Variants in XRCC4 observed in about 807,000 individuals in gnomAD.
XRCC4 encodes the protein DNA repair protein XRCC4.
A neutral mutation model predicts 39.1 loss-of-function variants in XRCC4; 28 were observed. That is an observed-to-expected ratio of 0.72 (90% CI 0.53 to 0.98). XRCC4 has a LOEUF of 0.98. XRCC4 is among the 50% of genes least tolerant of loss of function. The pLI, the probability that XRCC4 is intolerant of heterozygous loss-of-function variation, is 0.00. For synonymous variants in XRCC4, 123 were observed against 126.4 expected (o/e 0.97, Z 0.18); for missense variants, 350 against 376.4 (o/e 0.93, Z 0.58).
At chr5:83,357,088 T>C (rs1474814720), downstream of XRCC4, among the ~76,000 whole-genome samples, 2 of 152,236 alleles carry the variant, frequency 1.3e-5, no homozygotes, top group Non-Finnish European at 2.9e-5. Flanking sequence ...GCAAGTTTGA[T>C]TCAACAAATG....
intron 7 of XRCC4, among the ~76,000 whole-genome samples, chr5:83,286,313 A>G (rs964184828): frequency 1.1e-4 from 16 of 152,102 alleles, no homozygotes; most frequent in African/African-American, 3.9e-4. Context: ...GCATCCAACA[A>G]GTAGTTTTTG....
chr5:83,325,175 T>C (rs375110321), intron 7 of XRCC4, among the ~76,000 whole-genome samples: 5 of 152,260 alleles, frequency 3.3e-5, no homozygotes, highest in Admixed American at 2.0e-4. Context: ...GCATGCTGTT[T>C]TTTAGAGTCC....
intron 7 of XRCC4, among the ~76,000 whole-genome samples, chr5:83,302,328 T>A (rs1057403079): frequency 2.0e-5 from 3 of 151,590 alleles, no homozygotes; most frequent in African/African-American, 7.3e-5. Flanking sequence ...CCCAGGGCCA[T>A]GGTGGTGTAG....
chr5:83,141,771 C>T (rs908086101), intron 3 of XRCC4, among the ~76,000 whole-genome samples: 2 of 150,530 alleles, frequency 1.3e-5, no homozygotes, highest in Admixed American at 1.3e-4. Flanking sequence ...CATTGTGCTT[C>T]TTTGGTGTTG....
intron 7 of XRCC4, among the ~76,000 whole-genome samples, chr5:83,331,736 G>T (rs903261261): frequency 1.3e-5 from 2 of 152,090 alleles, no homozygotes; most frequent in African/African-American, 4.8e-5. Context: ...TCTTTGAAAT[G>T]GAGGTGATAG....
chr5:83,205,610 T>C (rs183772483), intron 6 of XRCC4, among the ~76,000 whole-genome samples: 11 of 152,294 alleles, frequency 7.2e-5, no homozygotes, highest in Admixed American at 7.2e-4. Context: ...GCTTGATTTA[T>C]TTATTTAGAA....
Position 83,292,713 on chromosome 5 carries a change from A to G in XRCC4, c.893+34036A>G, listed in dbSNP as rs185927454. On this transcript the variant is annotated intron_variant, in intron 7 of 7. Coordinates refer to ENST00000396027, the MANE Select transcript of XRCC4 (RefSeq NM_003401.5). ...TAATATCCCAGTAGACTGAATACACAAGAAACTCTTTTTCTTTTTCTTTTT... is the reference window on the plus strand; with the variant it reads ...TAATATCCCAGTAGACTGAATACACGAGAAACTCTTTTTCTTTTTCTTTTT... 2.0e-5 allele frequency among the ~76,000 whole-genome samples: 3 copies of G among 150,808 alleles called. No homozygotes were observed. The East Asian group carries it at 5.9e-4, about 30-fold the overall frequency.
intron 7 of XRCC4, among the ~76,000 whole-genome samples, chr5:83,263,125 G>A (rs1280740811): frequency 6.7e-5 from 10 of 149,726 alleles, no homozygotes; most frequent in African/African-American, 9.9e-5. Flanking sequence ...ATAGTTTACT[G>A]AGAATGATGA....
At chr5:83,090,023 A>G (rs892253931) in intron 1 of XRCC4, among the ~76,000 whole-genome samples, 3 of 152,156 alleles carry the variant, frequency 2.0e-5, no homozygotes, top group African/African-American at 7.2e-5. Flanking sequence ...GTGTTCACCA[A>G]GCAGGAAGCT....
chr5:83,236,154 A>G (rs982499192), intron 6 of XRCC4, among the ~76,000 whole-genome samples: 14 of 152,202 alleles, frequency 9.2e-5, no homozygotes, highest in African/African-American at 2.7e-4. Context: ...AAAGCAATCT[A>G]CAGATTCAAT....
chr5:83,215,177 A>T (rs1751810074), intron 6 of XRCC4, among the ~76,000 whole-genome samples: 1 of 151,968 alleles, frequency 6.6e-6, no homozygotes, highest in South Asian at 2.1e-4. Context: ...CTCTACAAAA[A>T]ATACAAAAAA....
intron 6 of XRCC4, among the ~76,000 whole-genome samples, chr5:83,207,949 C>G (rs1751484377): frequency 6.6e-6 from 1 of 151,924 alleles, no homozygotes; most frequent in African/African-American, 2.4e-5. Flanking sequence ...TTCCTGTGTG[C>G]TTTTCCTACA....
chr5:83,082,122 T>C (rs1266590905), intron 1 of XRCC4, among the ~76,000 whole-genome samples: 1 of 152,262 alleles, frequency 6.6e-6, no homozygotes, highest in Non-Finnish European at 1.5e-5. Flanking sequence ...ATTTTTGTTA[T>C]TACCCACTAT....
rs954769491 is a variant in XRCC4 at position 83,078,536 on chromosome 5, G to T, written c.-11+921G>T. Reference sequence around the variant, plus strand: ...TTTATGAACTGTATTCGGCCTATGAGACCCTTTTGTATTTAGGGCAACACA... The same window carrying T: ...TTTATGAACTGTATTCGGCCTATGATACCCTTTTGTATTTAGGGCAACACA... On this transcript the variant is annotated intron_variant, in intron 1 of 7. Transcript: ENST00000396027. Among the ~76,000 whole-genome samples the T allele has an allele frequency of 2.6e-5, 4 of 152,178 alleles. No individual in the cohort carries two copies. The East Asian group carries it at 5.8e-4, about 22-fold the overall frequency.
At chr5:83,090,247 G>A (rs1249862130) in intron 1 of XRCC4, among the ~76,000 whole-genome samples, 1 of 152,070 alleles carries the variant, frequency 6.6e-6, no homozygotes, top group African/African-American at 2.4e-5. Context: ...AGACCCAGTG[G>A]GAGGTAATTG....
intron 6 of XRCC4, 74 bp downstream of exon 6, chr5:83,204,995 T>A: frequency 9.5e-7 from 1 of 1,049,800 alleles, no homozygotes; most frequent in Non-Finnish European, 1.4e-6. Flanking sequence ...CAAGAAACCA[T>A]AATGGAAAAA....
At chr5:83,237,300 T>C (rs1042044842) in intron 6 of XRCC4, among the ~76,000 whole-genome samples, 1 of 152,056 alleles carries the variant, frequency 6.6e-6, no homozygotes, top group African/African-American at 2.4e-5. Flanking sequence ...CCAACACATA[T>C]ATCCAACCTA....
At chr5:83,224,553 C>A (rs10052656) in intron 6 of XRCC4, among the ~76,000 whole-genome samples, 10,128 of 152,190 alleles carry the variant, frequency 0.067, 441 homozygotes, top group South Asian at 0.16. Flanking sequence ...TATCCAGCGG[C>A]ACTATAGCAT....
intron 7 of XRCC4, among the ~76,000 whole-genome samples, chr5:83,300,213 T>A (rs1489789899): frequency 6.6e-6 from 1 of 152,212 alleles, no homozygotes; most frequent in Admixed American, 6.5e-5. Context: ...GGTCTCCTAT[T>A]AGACTCTCCA....
Sources: allele counts gnomAD v4.1 joint callset (sites outside exome capture counted in the v4.1 genomes callset), GRCh38; gene constraint gnomAD v4.1.1; transcripts MANE v1.5; gene names NCBI Gene and HGNC (gene_info 2026-07-23, HGNC 2026-07-21).